Variants in RNF13 observed in about 807,000 individuals in gnomAD.
The protein encoded by RNF13 is ring finger protein 13.
A neutral mutation model predicts 37.7 loss-of-function variants in RNF13; 19 were observed. That is an observed-to-expected ratio of 0.50 (90% CI 0.35 to 0.74). The LOEUF (loss-of-function observed/expected upper bound fraction) is 0.74, where lower values mean the gene tolerates loss of function less well. Among genes scored for constraint, RNF13 ranks in the 30% least tolerant of loss-of-function variants. RNF13 has a pLI of 0.01. For synonymous variants in RNF13, 144 were observed against 157.8 expected (o/e 0.91, Z 0.65); for missense variants, 375 against 453.0 (o/e 0.83, Z 1.56).
intron 8 of RNF13, among the ~76,000 whole-genome samples, chr3:149,936,030 T>A (rs1719635665): frequency 6.6e-6 from 1 of 152,100 alleles, no homozygotes; most frequent in East Asian, 1.9e-4. Flanking sequence ...TGGCAGTTTT[T>A]TTTTTTCCTT....
Position 149,911,902 on chromosome 3 carries a change from T to G in RNF13, c.501-76T>G, listed in dbSNP as rs1192887075. The G allele has an allele frequency of 6.3e-6, 5 of 793,230 alleles. No homozygotes were observed. In the Admixed American group the frequency reaches 1.0e-4, roughly 16 times the overall value. The allele number at this position is 793,230 out of a possible 1,614,324, so 49.1% of individuals were successfully genotyped here. ...GTCTATATGTCTGTTTTTAAAAATA[T>G]TTTTTCCTGTTTTTAATTAACATCA... On this transcript the variant is annotated intron_variant, in intron 6 of 9. Coordinates refer to ENST00000392894, the MANE Select transcript of RNF13 (RefSeq NM_183381.3).
At chr3:149,958,232 A>G (rs1722049071) in intron 8 of RNF13, among the ~76,000 whole-genome samples, 1 of 152,220 alleles carries the variant, frequency 6.6e-6, no homozygotes, top group Non-Finnish European at 1.5e-5. Context: ...GAAGTTTGAC[A>G]CAGGTCTCAC....
At chr3:149,815,784 C>A (rs1719380116) in intron 1 of RNF13, among the ~76,000 whole-genome samples, 1 of 152,088 alleles carries the variant, frequency 6.6e-6, no homozygotes, top group East Asian at 1.9e-4. Context: ...ATATCAACAA[C>A]AACAAAACAG....
Position 149,921,303 on chromosome 3 carries a change from T to A in RNF13, c.700+76T>A, listed in dbSNP as rs575255962. ...GGTGACTATACTCTTTAAAAAAATT[T>A]TTATTATTATTATTATACTTTAAGT... On this transcript the variant is annotated intron_variant, in intron 8 of 9. Transcript: ENST00000392894. 2.7e-5 allele frequency: 12 copies of A among 438,848 alleles called. No homozygotes were observed. The Admixed American group carries it at 2.8e-4, about 10-fold the overall frequency. 27.2% of individuals were successfully genotyped at this position (438,848 alleles called of 1,614,324 possible). A position where few individuals can be genotyped will look rare whatever the true frequency, so the allele number is the denominator to read the frequency against.
At chr3:149,958,289 T>C (rs908327770) in intron 8 of RNF13, among the ~76,000 whole-genome samples, 6 of 152,118 alleles carry the variant, frequency 3.9e-5, no homozygotes, top group African/African-American at 1.2e-4. Context: ...TTTCTGGAGG[T>C]TCCAGGGAAG....
intron 8 of RNF13, among the ~76,000 whole-genome samples, chr3:149,959,114 A>T (rs1722139475): frequency 1.3e-5 from 2 of 152,216 alleles, no homozygotes; most frequent in Non-Finnish European, 2.9e-5. Flanking sequence ...TTTGTCCCTA[A>T]AAGTTTTATA....
intron 5 of RNF13, among the ~76,000 whole-genome samples, chr3:149,901,536 C>T (rs1286714813): frequency 6.6e-6 from 1 of 152,150 alleles, no homozygotes; most frequent in Non-Finnish European, 1.5e-5. Flanking sequence ...GAAATAGAAA[C>T]CAGCTTTCCT....
At chr3:149,884,458 A>T (rs1258040079) in intron 4 of RNF13, among the ~76,000 whole-genome samples, 1 of 151,646 alleles carries the variant, frequency 6.6e-6, no homozygotes, top group East Asian at 1.9e-4. Context: ...AATTCTGGAA[A>T]TTGTTAATCT....
At chr3:149,923,447 T>C (rs1718340438) in intron 8 of RNF13, among the ~76,000 whole-genome samples, 3 of 152,050 alleles carry the variant, frequency 2.0e-5, no homozygotes, top group Admixed American at 2.0e-4. Flanking sequence ...ATTACTTTTT[T>C]AGGCTTCATT....
At chr3:149,859,633 C>T (rs1440225074) in intron 3 of RNF13, among the ~76,000 whole-genome samples, 2 of 152,058 alleles carry the variant, frequency 1.3e-5, no homozygotes. Flanking sequence ...TTCTTAGTGG[C>T]TTTCTCAGTT....
chr3:149,912,179 AAG>A (rs1456180272), intron 7 of RNF13, 96 bp downstream of exon 7: 1 of 621,356 alleles, frequency 1.6e-6, no homozygotes. Context: ...GTGTACATAA[AAG>A]AGTACATATT....
chr3:149,841,785 G>A (rs145285544), intron 1 of RNF13, among the ~76,000 whole-genome samples: 19 of 151,856 alleles, frequency 1.3e-4, no homozygotes, highest in Admixed American at 5.3e-4. Context: ...AGAAATTACC[G>A]TGCCTGGCTA....
intron 1 of RNF13, among the ~76,000 whole-genome samples, chr3:149,842,741 A>T (rs2108366967): frequency 6.6e-6 from 1 of 152,372 alleles, no homozygotes; most frequent in Non-Finnish European, 1.5e-5. Context: ...AAGGAATGCC[A>T]TATGGCCATT....
chr3:149,935,111 A>G (rs1361424372), intron 8 of RNF13, among the ~76,000 whole-genome samples: 1 of 152,140 alleles, frequency 6.6e-6, no homozygotes, highest in African/African-American at 2.4e-5. Flanking sequence ...GTGTTCTGTA[A>G]ATGTCAGTTA....
intron 5 of RNF13, among the ~76,000 whole-genome samples, chr3:149,898,275 C>T (rs1440892300): frequency 6.6e-6 from 1 of 152,050 alleles, no homozygotes; most frequent in South Asian, 2.1e-4. Context: ...ATAACCAGGT[C>T]AAGTTGTTAA....
At position 149,828,908 on chromosome 3, in the gene RNF13, G is replaced by A. The variant is rs1006958817; in HGVS notation, c.-17+15555G>A. Among the ~76,000 whole-genome samples, 25 of 152,180 alleles carry A rather than the reference G, an allele frequency of 1.6e-4. No homozygotes were observed. The East Asian group carries it at 3.9e-3, about 24-fold the overall frequency. On this transcript the variant is annotated intron_variant, in intron 1 of 9. Coordinates refer to ENST00000392894, the MANE Select transcript of RNF13 (RefSeq NM_183381.3). ...GGGAACATTTATTTTTGTCACAGGC[G>A]CTGAGAGATTTGTGATATACTGAAC...
At chr3:149,826,285 G>A (rs1473947372) in intron 1 of RNF13, among the ~76,000 whole-genome samples, 1 of 152,210 alleles carries the variant, frequency 6.6e-6, no homozygotes, top group African/African-American at 2.4e-5. Flanking sequence ...CCAAGTGGCT[G>A]CTACATTTGA....
intron 1 of RNF13, among the ~76,000 whole-genome samples, chr3:149,831,258 G>A (rs1461024655): frequency 2.1e-4 from 32 of 152,276 alleles, no homozygotes; most frequent in African/African-American, 7.7e-4. Context: ...TCCACCAATG[G>A]CTTGCACCAC....
intron 8 of RNF13, among the ~76,000 whole-genome samples, chr3:149,945,419 G>A (rs1720672233): frequency 6.6e-6 from 1 of 152,306 alleles, no homozygotes; most frequent in South Asian, 2.1e-4. Context: ...AAGTGGTTAG[G>A]AAGCTCGAAC....
Sources: allele counts gnomAD v4.1 joint callset (sites outside exome capture counted in the v4.1 genomes callset), GRCh38; gene constraint gnomAD v4.1.1; transcripts MANE v1.5; gene names NCBI Gene and HGNC (gene_info 2026-07-23, HGNC 2026-07-21).